Variants in APBB2 observed in about 807,000 individuals in gnomAD.
APBB2 encodes the protein Fe65-like 1.
Under a neutral mutation model 82.5 loss-of-function variants are expected in APBB2, and 38 were observed. That is an observed-to-expected ratio of 0.46 (90% CI 0.36 to 0.60). The LOEUF is 0.60. APBB2 is among the 20% of genes least tolerant of loss of function. The pLI is 0.00. For synonymous variants in APBB2, 341 were observed against 368.2 expected (o/e 0.93, Z 0.85); for missense variants, 772 against 972.3 (o/e 0.79, Z 2.74).
At chr4:40,953,465 T>C (rs1377521674) in intron 6 of APBB2, among the ~76,000 whole-genome samples, 2 of 151,774 alleles carry the variant, frequency 1.3e-5, no homozygotes, top group African/African-American at 2.4e-5. Flanking sequence ...TGGTGTGTCA[T>C]TGCACCGAGA....
chr4:40,954,902 C>T (rs1048090065), intron 6 of APBB2, among the ~76,000 whole-genome samples: 1 of 152,284 alleles, frequency 6.6e-6, no homozygotes, highest in African/African-American at 2.4e-5. Flanking sequence ...CCGCCCGCCT[C>T]GGCCTCCCTA....
chr4:41,029,377 A>G (rs1443319609), intron 5 of APBB2, among the ~76,000 whole-genome samples: 2 of 152,252 alleles, frequency 1.3e-5, no homozygotes, highest in Non-Finnish European at 2.9e-5. Flanking sequence ...AGTTATCAAT[A>G]AGGCAGCTTG....
At chr4:40,983,878 T>C (rs6816766) in intron 6 of APBB2, among the ~76,000 whole-genome samples, 150,333 of 152,356 alleles carry the variant, frequency 0.99, 74,209 homozygotes, top group Middle Eastern at 1. Flanking sequence ...TGCCTAACTT[T>C]TTTTAAACTA....
intron 2 of APBB2, among the ~76,000 whole-genome samples, chr4:41,115,801 A>T (rs933339529): frequency 5.9e-5 from 9 of 152,236 alleles, no homozygotes; most frequent in Non-Finnish European, 8.8e-5. Flanking sequence ...CGATCATTAA[A>T]AAGTTAGGAA....
rs547265540 is a variant in APBB2 at position 40,884,733 on chromosome 4, C to T, written c.1529+5631G>A. Among the ~76,000 whole-genome samples, 13 of 152,248 alleles carry T rather than the reference C, an allele frequency of 8.5e-5. No individual in the cohort carries two copies. In the East Asian group the frequency reaches 2.3e-3, roughly 27 times the overall value. ...GAGTGATGATCACGCCACTGTACTC[C>T]AGCCTGGGCAACAGAGCAAGACCCT... On this transcript the variant is annotated intron_variant, in intron 12 of 17. Coordinates refer to ENST00000508593, the MANE Select transcript of APBB2 (RefSeq NM_004307.2).
chr4:40,957,582 T>C (rs1791985684), intron 6 of APBB2, among the ~76,000 whole-genome samples: 1 of 76,468 alleles, frequency 1.3e-5, no homozygotes, highest in Admixed American at 1.8e-4. Context: ...CCACCTCATA[T>C]TCCTTTTTTT....
chr4:41,183,784 C>G (rs1010997833), intron 1 of APBB2, among the ~76,000 whole-genome samples: 3 of 150,758 alleles, frequency 2.0e-5, no homozygotes, highest in African/African-American at 4.9e-5. Flanking sequence ...CTTTTTGGCA[C>G]CAAGAAGTTG....
At chr4:40,954,804 T>C (rs572811010) in intron 6 of APBB2, among the ~76,000 whole-genome samples, 24 of 152,278 alleles carry the variant, frequency 1.6e-4, no homozygotes, top group Non-Finnish European at 3.1e-4. Flanking sequence ...GCTGGGATTA[T>C]AGGCACACAC....
At chr4:41,205,447 C>T (rs953338183) in intron 1 of APBB2, among the ~76,000 whole-genome samples, 1 of 152,144 alleles carries the variant, frequency 6.6e-6, no homozygotes, top group Non-Finnish European at 1.5e-5. Flanking sequence ...ATATAATTCT[C>T]AGCCCTCTAG....
rs552613246 is a variant in APBB2, at chr4:41,146,409, G to A, written c.-416-3267C>T. On this transcript the variant is annotated intron_variant, in intron 1 of 17. Coordinates refer to ENST00000508593, the MANE Select transcript of APBB2 (RefSeq NM_004307.2). ...TTCAGAAGGCTGAAGTGGGAGGATT[G>A]CTTGATCCTGGGCGGTTGAGGCTGC... Among the ~76,000 whole-genome samples the A allele has an allele frequency of 4.6e-5, 7 of 150,834 alleles. No individual in the cohort carries two copies. The South Asian group carries it at 1.1e-3, about 23-fold the overall frequency.
chr4:40,824,366 A>G (rs146527329), intron 15 of APBB2, among the ~76,000 whole-genome samples: 2,434 of 152,066 alleles, frequency 0.016, 31 homozygotes, highest in Middle Eastern at 0.044. Flanking sequence ...CTGTTTCCAC[A>G]GTTTTTCTGG....
intron 10 of APBB2, among the ~76,000 whole-genome samples, chr4:40,918,503 T>C (rs763748864): frequency 6.6e-6 from 1 of 152,250 alleles, no homozygotes; most frequent in Non-Finnish European, 1.5e-5. Flanking sequence ...AAGAGTGCTT[T>C]AATGCCGTTA....
At chr4:40,898,932 A>T (rs1465779692) in intron 10 of APBB2, among the ~76,000 whole-genome samples, 4 of 152,048 alleles carry the variant, frequency 2.6e-5, no homozygotes, top group Admixed American at 6.6e-5. Flanking sequence ...TCTGGGTAGG[A>T]CCCAAGAATC....
At chr4:41,136,206 T>C (rs1031178356) in intron 2 of APBB2, among the ~76,000 whole-genome samples, 14 of 152,208 alleles carry the variant, frequency 9.2e-5, no homozygotes, top group African/African-American at 3.4e-4. Flanking sequence ...ATGCTTTGAT[T>C]CAGCTCCCAA....
intron 6 of APBB2, among the ~76,000 whole-genome samples, chr4:40,979,145 T>C (rs1797888941): frequency 6.6e-6 from 1 of 152,226 alleles, no homozygotes; most frequent in African/African-American, 2.4e-5. Flanking sequence ...AGGAAGGCTA[T>C]ATACTTTTTT....
At chr4:40,865,971 G>C (rs1763949625) in intron 12 of APBB2, among the ~76,000 whole-genome samples, 1 of 152,224 alleles carries the variant, frequency 6.6e-6, no homozygotes, top group African/African-American at 2.4e-5. Flanking sequence ...TGCTGGTGAG[G>C]ATGCGGAGCA....
intron 12 of APBB2, among the ~76,000 whole-genome samples, chr4:40,888,845 T>C (rs1411511346): frequency 1.3e-5 from 2 of 152,262 alleles, no homozygotes; most frequent in East Asian, 3.8e-4. Context: ...CGCACACGTA[T>C]GTAATGTCAC....
At chr4:41,062,164 A>G in intron 4 of APBB2, among the ~76,000 whole-genome samples, 1 of 129,818 alleles carries the variant, frequency 7.7e-6, no homozygotes, top group Non-Finnish European at 1.5e-5. Context: ...AATCTTATTT[A>G]TTTATTTATT....
chr4:40,968,455 A>G (rs1313731692), intron 6 of APBB2, among the ~76,000 whole-genome samples: 1 of 152,040 alleles, frequency 6.6e-6, no homozygotes, highest in Non-Finnish European at 1.5e-5. Flanking sequence ...TAATCATACT[A>G]CAGCTATTAA....
Sources: gnomAD v4.1 joint callset for allele counts (sites outside exome capture counted in the v4.1 genomes callset) on GRCh38, gnomAD v4.1.1 for gene constraint, MANE v1.5 for transcripts, NCBI Gene and HGNC (gene_info 2026-07-23, HGNC 2026-07-21) for gene names.